The following DCC variants were observed in gnomAD, a reference collection of about 807,000 sequenced individuals.
The protein encoded by DCC is DCC netrin 1 receptor.
A neutral mutation model predicts 172.5 loss-of-function variants in DCC; 58 were observed. The ratio of observed to expected loss-of-function variants is 0.34; its 90% confidence interval spans 0.27 to 0.42. The LOEUF (loss-of-function observed/expected upper bound fraction) is 0.42. DCC is among the 10% of genes least tolerant of loss of function. The pLI is 1.00. For synonymous variants in DCC, 709 were observed against 644.5 expected (o/e 1.10, Z -1.52); for missense variants, 1,740 against 1,791.0 (o/e 0.97, Z 0.51).
intron 5 of DCC, among the ~76,000 whole-genome samples, chr18:52,991,647 T>C (rs1390809576): frequency 6.6e-6 from 1 of 152,206 alleles, no homozygotes; most frequent in African/African-American, 2.4e-5. Flanking sequence ...TTCCCTCATT[T>C]ACCCTCTCGA....
chr18:52,699,137 A>G (rs2145029907), intron 1 of DCC, among the ~76,000 whole-genome samples: 1 of 152,332 alleles, frequency 6.6e-6, no homozygotes, highest in South Asian at 2.1e-4. Context: ...AGGTATGAGC[A>G]AAATCTTCCA....
chr18:52,899,344 T>A (rs1299442608), intron 2 of DCC, among the ~76,000 whole-genome samples: 1 of 1,608 alleles, frequency 6.2e-4, no homozygotes, highest in East Asian at 3.2e-3. Context: ...CTTTCTTTCC[T>A]TTTTTTTTTT....
At position 53,410,640 on chromosome 18, in the gene DCC, C is replaced by T. The variant is rs934714965; in HGVS notation, c.3124C>T (p.Leu1042=). Reference sequence around the variant, plus strand: ...CTCTGATCCTATCCTCTTCAGGACTCTGAAAGGTTTGAATAATTTCCTATT... The same window carrying T: ...CTCTGATCCTATCCTCTTCAGGACTTTGAAAGGTTTGAATAATTTCCTATT... ...PLSDPILFRT[L]KVEHPDKMAN... Residue 1042 remains leucine, a synonymous_variant, in exon 20 of 29, where the codon CTG becomes TTG. Coordinates refer to ENST00000442544, the MANE Select transcript of DCC (RefSeq NM_005215.4). 9 of 1,584,720 alleles carry T rather than the reference C, an allele frequency of 5.7e-6. No homozygotes were observed. In the African/African-American group the frequency reaches 1.2e-4, roughly 21 times the overall value.
chr18:53,504,930 GT>G (rs1045369830), intron 27 of DCC, among the ~76,000 whole-genome samples: 2 of 151,920 alleles, frequency 1.3e-5, no homozygotes, highest in Admixed American at 1.3e-4. Flanking sequence ...TTGTTTGTTT[GT>G]TTTTTTAACT....
At chr18:52,750,700 T>C (rs2036981159) in intron 1 of DCC, among the ~76,000 whole-genome samples, 1 of 152,146 alleles carries the variant, frequency 6.6e-6, no homozygotes, top group South Asian at 2.1e-4. Flanking sequence ...CACTGTAAAA[T>C]GGGGTGTACA....
At chr18:53,413,736 A>C (rs1910131187) in intron 20 of DCC, among the ~76,000 whole-genome samples, 2 of 152,192 alleles carry the variant, frequency 1.3e-5, no homozygotes, top group African/African-American at 4.8e-5. Context: ...TTTTGACATA[A>C]TTCTAAAGAA....
At chr18:53,409,446 TAG>T (rs1035085502) in intron 19 of DCC, among the ~76,000 whole-genome samples, 11 of 152,182 alleles carry the variant, frequency 7.2e-5, no homozygotes, top group African/African-American at 2.7e-4. Context: ...CTATGTTATA[TAG>T]ATAGCATTGA....
In DCC at chr18:53,459,400, A is replaced by G. The variant is rs778697793; in HGVS notation, c.3561A>G (p.Thr1187=). The change falls in exon 24 of 29, where the codon ACA becomes ACG. Residue 1187 remains threonine, a synonymous_variant. Transcript: ENST00000442544. ...CCATCCAAAGTTGCCAAGACCTCAC[A>G]CCAGTCAGCCACAGCCAGTCAGAAA... ...DSPIQSCQDL[T]PVSHSQSETQ... 6.2e-7 allele frequency: 1 copy of G among 1,613,994 alleles called. No homozygotes were observed. The highest frequency in any genetic ancestry group is 8.5e-7 in the Non-Finnish European group (1 of 1,179,966).
intron 1 of DCC, among the ~76,000 whole-genome samples, chr18:52,374,963 T>C (rs981447673): frequency 5.9e-5 from 9 of 152,218 alleles, no homozygotes; most frequent in Non-Finnish European, 1.3e-4. Context: ...TCCAATGCCA[T>C]GTCACTGACC....
intron 9 of DCC, among the ~76,000 whole-genome samples, chr18:53,196,511 T>G (rs1269189367): frequency 1.3e-5 from 2 of 152,140 alleles, no homozygotes; most frequent in Non-Finnish European, 2.9e-5. Context: ...TCCAACTGTT[T>G]CCAGTTCTAG....
rs558602952 is a variant in DCC at position 52,998,887 on chromosome 18, G to A, written c.986-64418G>A. On this transcript the variant is annotated intron_variant, in intron 5 of 28. Coordinates refer to ENST00000442544, the MANE Select transcript of DCC (RefSeq NM_005215.4). ...ACAAAACTGAATTAGCAATTAAATC[G>A]TTGTCAGGAAGCAAGTACTAGCCTT... is the stretch of plus-strand genomic sequence containing the variant. 5.3e-5 allele frequency among the ~76,000 whole-genome samples: 8 copies of A among 152,020 alleles called. No individual in the cohort carries two copies. The East Asian group carries it at 7.7e-4, about 15-fold the overall frequency.
chr18:52,947,920 G>C (rs976081770), intron 5 of DCC, among the ~76,000 whole-genome samples: 1 of 152,062 alleles, frequency 6.6e-6, no homozygotes, highest in African/African-American at 2.4e-5. Flanking sequence ...TATTTAAGAA[G>C]GACTGAGATG....
chr18:52,472,683 A>G (rs890825630), intron 1 of DCC, among the ~76,000 whole-genome samples: 1 of 152,140 alleles, frequency 6.6e-6, no homozygotes, highest in African/African-American at 2.4e-5. Flanking sequence ...TGGGATAATC[A>G]CTTGAGACCA....
intron 1 of DCC, among the ~76,000 whole-genome samples, chr18:52,466,243 G>A (rs1262188634): frequency 6.6e-6 from 1 of 152,238 alleles, no homozygotes; most frequent in Non-Finnish European, 1.5e-5. Context: ...AGGGATATGC[G>A]GCAGGGGGCC....
At chr18:53,116,585 A>G (rs191421816) in intron 7 of DCC, among the ~76,000 whole-genome samples, 12 of 151,822 alleles carry the variant, frequency 7.9e-5, no homozygotes, top group Admixed American at 7.2e-4. Context: ...GATTTGTTAC[A>G]CAGTTGCAGC....
chr18:52,735,872 T>C (rs1353925803), intron 1 of DCC, among the ~76,000 whole-genome samples: 1 of 152,066 alleles, frequency 6.6e-6, no homozygotes, highest in Non-Finnish European at 1.5e-5. Flanking sequence ...AAGTTGACAC[T>C]CAGTATTAAC....
intron 5 of DCC, among the ~76,000 whole-genome samples, chr18:52,973,854 T>C (rs1271194783): frequency 1.3e-5 from 2 of 152,208 alleles, no homozygotes; most frequent in African/African-American, 4.8e-5. Context: ...CTTTCATTTC[T>C]ATAGGAGTGA....
rs2144503648 is a variant in DCC at position 53,187,743 on chromosome 18, A to G, written c.1573+8627A>G. On this transcript the variant is annotated intron_variant, in intron 9 of 28. Transcript: ENST00000442544. The stretch of plus-strand genomic sequence containing the variant: ...TCTTTAACTCCAATGTTCTTACATT[A>G]TGTTACTTTAATTGCCCAATCTTTC... Among the ~76,000 whole-genome samples, 3 of 152,340 alleles carry G rather than the reference A, an allele frequency of 2.0e-5. No homozygotes were observed. In the Middle Eastern group the frequency reaches 0.01, roughly 518 times the overall value.
chr18:52,377,433 G>C lies in DCC; in HGVS notation c.91+36555G>C, dbSNP rs1392454873. 2.0e-5 allele frequency among the ~76,000 whole-genome samples: 3 copies of C among 152,140 alleles called. No homozygotes were observed. The East Asian group carries it at 5.8e-4, about 29-fold the overall frequency. ...AGTAATTTTGCTCATGAATCTCCAA[G>C]AATGGCCATGTGCTGTCACATTGCT... On this transcript the variant is annotated intron_variant, in intron 1 of 28. Transcript: ENST00000442544.
Sources: gnomAD v4.1 joint callset for allele counts (sites outside exome capture counted in the v4.1 genomes callset) on GRCh38, gnomAD v4.1.1 for gene constraint, MANE v1.5 for transcripts, NCBI Gene and HGNC (gene_info 2026-07-23, HGNC 2026-07-21) for gene names.